BANP: variants seen among roughly 807,000 people sequenced by gnomAD.
The protein encoded by BANP is protein BANP.
BANP carries 11 observed loss-of-function variants against 68.1 expected under a neutral mutation model. The ratio of observed to expected loss-of-function variants is 0.16; its 90% CI spans 0.10 to 0.27. The LOEUF (loss-of-function observed/expected upper bound fraction) is 0.27. Ranked by LOEUF, BANP falls within the 10% of genes least tolerant of loss-of-function variation. The probability of loss-of-function intolerance (pLI) is 1.00; values close to 1 mark genes in which losing one functional copy is unlikely to be tolerated. For missense variants in BANP, 504 were observed against 722.7 expected (o/e 0.70, Z 3.47); for synonymous variants, 329 against 303.2 (o/e 1.09, Z -0.88).
intron 11 of BANP, among the ~76,000 whole-genome samples, chr16:88,050,939 A>C (rs929019566): frequency 6.6e-6 from 1 of 152,134 alleles, no homozygotes; most frequent in African/African-American, 2.4e-5. Context: ...CGCCTGCCTC[A>C]GCCTCCCAAA....
At chr16:87,961,411 C>CCCCCCG (rs2059120165) in intron 1 of BANP, among the ~76,000 whole-genome samples, 1 of 141,534 alleles carries the variant, frequency 7.1e-6, no homozygotes, top group Non-Finnish European at 1.6e-5. Flanking sequence ...GAATCTGCAC[C>CCCCCCG]CCCCCGGGCC....
intron 7 of BANP, among the ~76,000 whole-genome samples, chr16:88,021,505 C>T (rs540243906): frequency 2.0e-5 from 3 of 152,286 alleles, no homozygotes; most frequent in Non-Finnish European, 2.9e-5. Context: ...GCAACTGCTG[C>T]GTATGGACCA....
chr16:87,986,765 A>G (rs973311091), intron 4 of BANP, among the ~76,000 whole-genome samples: 2 of 152,180 alleles, frequency 1.3e-5, no homozygotes, highest in African/African-American at 4.8e-5. Flanking sequence ...TTGTCTGTCT[A>G]CTTGTCAACA....
rs1459864885 is a variant in BANP at position 88,002,968 on chromosome 16, A to T, written c.363-1327A>T. 6.6e-6 allele frequency among the ~76,000 whole-genome samples: 1 copy of T among 152,054 alleles called. No homozygotes were observed. The highest frequency in any genetic ancestry group is 2.4e-5 in the African/African-American group (1 of 41,406). ...CAGCCTTCCCACATGCTGTGAGCCT[A>T]GGATCCCGGGGCCACCAGTGTTCCA... On this transcript the variant is annotated intron_variant, in intron 4 of 13. Transcript: ENST00000682872. The surrounding 1 kb of genome is among the most constrained non-coding windows in gnomAD (Gnocchi z 4.6).
At chr16:88,005,213 A>C (rs559058465) in intron 5 of BANP, among the ~76,000 whole-genome samples, 1 of 152,284 alleles carries the variant, frequency 6.6e-6, no homozygotes, top group South Asian at 2.1e-4. Context: ...TGCCAGGGTC[A>C]GCTGTGCCTC....
intron 11 of BANP, among the ~76,000 whole-genome samples, chr16:88,058,292 T>C (rs943420816): frequency 3.3e-5 from 5 of 152,052 alleles, no homozygotes; most frequent in Admixed American, 2.0e-4. Flanking sequence ...GAGCTTGGGA[T>C]TTGTTGGGTT....
intron 2 of BANP, chr16:87,980,461 C>G (rs1598047691): frequency 6.5e-6 from 1 of 152,834 alleles, no homozygotes; most frequent in Non-Finnish European, 1.5e-5. Flanking sequence ...TGCGGGAAGC[C>G]GTGACGATCA....
chr16:88,075,351 A>C (rs1387555008), intron 13 of BANP, among the ~76,000 whole-genome samples: 3 of 152,064 alleles, frequency 2.0e-5, no homozygotes. Context: ...GTCTCAAAAA[A>C]ATTTAGCCGG....
At chr16:88,010,920 A>AGCTACAAACATGCCTCGAACATTTG (rs2072927955) in intron 6 of BANP, among the ~76,000 whole-genome samples, 1 of 152,224 alleles carries the variant, frequency 6.6e-6, no homozygotes. Context: ...GAGAGCATTT[A>AGCTACAAACATGCCTCGAACATTTG]TTTACAGAAT....
intron 11 of BANP, among the ~76,000 whole-genome samples, chr16:88,058,753 T>C (rs1018649846): frequency 2.0e-5 from 3 of 152,188 alleles, no homozygotes; most frequent in Non-Finnish European, 4.4e-5. Context: ...CCATGGCTGC[T>C]CTTGGCTGCA....
At chr16:88,017,221 C>T (rs2074783586) in intron 6 of BANP, 1 of 152,262 alleles carries the variant, frequency 6.6e-6, no homozygotes, top group Non-Finnish European at 1.5e-5. Flanking sequence ...TGTAGCCAGC[C>T]CTGGGCCTCA....
chr16:87,969,698 A>G (rs1267166585), intron 1 of BANP, among the ~76,000 whole-genome samples: 1 of 151,596 alleles, frequency 6.6e-6, no homozygotes, highest in East Asian at 1.9e-4. Context: ...ATCCCCGTCT[A>G]ATTTTTTGTA....
Position 88,037,959 on chromosome 16 carries a change from C to CT in BANP, c.1273-13dup, listed in dbSNP as rs1165691877. The CT allele has an allele frequency of 4.3e-6, 7 of 1,613,430 alleles. No homozygotes were observed. Among genetic ancestry groups the CT allele is most frequent in the Non-Finnish European group, 5.9e-6 (7 of 1,179,540 alleles). Reference sequence around the variant, plus strand: ...TTTCTACTCATGACCGTCTCCTCCTCTCGTTCTTTGTAGGGCAACCTCCAG... The same window carrying CT: ...TTTCTACTCATGACCGTCTCCTCCTCTTCGTTCTTTGTAGGGCAACCTCCAG... On this transcript the variant is annotated splice_polypyrimidine_tract_variant and intron_variant, in intron 10 of 13. Transcript: ENST00000682872.
intron 7 of BANP, 71 bp from the exon 8 acceptor site, chr16:88,027,412 C>T: frequency 1.3e-6 from 2 of 1,579,306 alleles, no homozygotes; most frequent in South Asian, 1.1e-5. Flanking sequence ...GGCCCCGGCC[C>T]TGCAGCCAGG....
At chr16:88,021,911 G>GA (rs1368653118) in intron 7 of BANP, among the ~76,000 whole-genome samples, 2 of 152,034 alleles carry the variant, frequency 1.3e-5, no homozygotes, top group Non-Finnish European at 2.9e-5. Flanking sequence ...TTTTTCTGGA[G>GA]AAAAAAGTCT....
At chr16:87,970,632 C>T (rs956299891) in intron 1 of BANP, among the ~76,000 whole-genome samples, 1 of 152,238 alleles carries the variant, frequency 6.6e-6, no homozygotes, top group Middle Eastern at 3.4e-3. Flanking sequence ...CCTTTCAACC[C>T]AGTGAAGTTG....
intron 1 of BANP, chr16:87,952,854 A>C (rs2057247135): frequency 6.6e-6 from 1 of 152,080 alleles, no homozygotes; most frequent in Admixed American, 6.5e-5. Flanking sequence ...GGCTCACTGC[A>C]GCCTCGGCCT....
intron 11 of BANP, among the ~76,000 whole-genome samples, chr16:88,059,123 CTG>C (rs2085980178): frequency 2.0e-5 from 3 of 151,428 alleles, no homozygotes; most frequent in African/African-American, 7.3e-5. Context: ...GTCCGTGCTC[CTG>C]CTGGTGTGCT....
At chr16:88,061,579 C>T (rs1457695901) in intron 11 of BANP, among the ~76,000 whole-genome samples, 1 of 152,128 alleles carries the variant, frequency 6.6e-6, no homozygotes, top group Non-Finnish European at 1.5e-5. Context: ...GGCCTTTCGG[C>T]ATTTCTTGTA....
Sources: gnomAD v4.1 joint callset for allele counts (sites outside exome capture counted in the v4.1 genomes callset) on GRCh38, gnomAD v4.1.1 for gene constraint, Gnocchi (gnomAD v3.1) non-coding constraint, MANE v1.5 for transcripts, NCBI Gene and HGNC (gene_info 2026-07-23, HGNC 2026-07-21) for gene names.